MARCO: variants seen among roughly 807,000 people sequenced by gnomAD.
MARCO encodes the protein macrophage receptor MARCO.
Under a neutral mutation model 70.0 loss-of-function variants are expected in MARCO, and 72 were observed. The observed-to-expected ratio is 1.03, with a 90% CI of 0.85 to 1.25. MARCO has a LOEUF of 1.25. Among genes scored for constraint, MARCO ranks in the 50% most tolerant of loss-of-function variants. The pLI, the probability that MARCO is intolerant of heterozygous loss-of-function variation, is 0.00. For missense variants in MARCO, 696 were observed against 659.3 expected (o/e 1.06, Z -0.61); for synonymous variants, 273 against 243.1 (o/e 1.12, Z -1.14).
At chr2:118,979,422 A>G (rs1379159466) in intron 8 of MARCO, among the ~76,000 whole-genome samples, 1 of 152,164 alleles carries the variant, frequency 6.6e-6, no homozygotes, top group Non-Finnish European at 1.5e-5. Flanking sequence ...GATGAGGGAT[A>G]CTGGCACCAG....
chr2:118,957,279 C>T (rs753034567), intron 1 of MARCO, among the ~76,000 whole-genome samples: 5 of 151,766 alleles, frequency 3.3e-5, no homozygotes, highest in African/African-American at 4.8e-5. Flanking sequence ...ACCAAATAAC[C>T]TCACTAAGAA....
intron 10 of MARCO, 29 bp from the exon 11 acceptor site, chr2:118,982,127 C>G (rs1437667370): frequency 6.4e-7 from 1 of 1,551,292 alleles, no homozygotes; most frequent in African/African-American, 1.4e-5. Flanking sequence ...CCAACCACCA[C>G]AGCCTGGCAG....
intron 1 of MARCO, among the ~76,000 whole-genome samples, chr2:118,944,180 G>T (rs1189825027): frequency 6.6e-6 from 1 of 151,896 alleles, no homozygotes; most frequent in Non-Finnish European, 1.5e-5. Context: ...TTGAGCCCAG[G>T]AATTTGAGAC....
intron 10 of MARCO, among the ~76,000 whole-genome samples, chr2:118,981,910 A>T (rs2104596929): frequency 6.6e-6 from 1 of 152,256 alleles, no homozygotes; most frequent in East Asian, 1.9e-4. Context: ...TCACACCCAG[A>T]GCTCCTAGTA....
At chr2:118,981,303 G>C in intron 8 of MARCO, 106 bp from the exon 9 acceptor site, 1 of 737,316 alleles carries the variant, frequency 1.4e-6, no homozygotes, top group Non-Finnish European at 2.3e-6. Flanking sequence ...AGGAGCTCAA[G>C]GAGTTTAGGG....
At position 118,994,522 on chromosome 2, in the gene MARCO, C is replaced by G; in HGVS notation, c.*2C>G. 1 of 1,577,492 alleles carries G rather than the reference C, an allele frequency of 6.3e-7. No individual in the cohort carries two copies. Among genetic ancestry groups the G allele is most frequent in the Non-Finnish European group, 8.6e-7 (1 of 1,161,998 alleles). On this transcript the variant is annotated 3_prime_UTR_variant, in exon 17 of 17. Coordinates refer to ENST00000327097, the MANE Select transcript of MARCO (RefSeq NM_006770.4). ...GCAGGCGTGGAGTGCAGCGTCTGAC[C>G]CGGAAACCCTTTCACTTCTCTGCTC...
chr2:118,956,186 AG>A (rs1463063686), intron 1 of MARCO, among the ~76,000 whole-genome samples: 1 of 152,226 alleles, frequency 6.6e-6, no homozygotes, highest in Non-Finnish European at 1.5e-5. Flanking sequence ...TCCACTTAAA[AG>A]ATACAGAACT....
chr2:118,961,779 A>G (rs1039981981), intron 1 of MARCO, among the ~76,000 whole-genome samples: 2 of 152,170 alleles, frequency 1.3e-5, no homozygotes, highest in Admixed American at 6.5e-5. Flanking sequence ...CAATTTCCTC[A>G]TGAAATCTTT....
chr2:118,965,520 T>C (rs1260543670), intron 1 of MARCO, among the ~76,000 whole-genome samples: 2 of 152,194 alleles, frequency 1.3e-5, no homozygotes, highest in Non-Finnish European at 2.9e-5. Flanking sequence ...TGTGGAATAG[T>C]TTTAACATCT....
intron 12 of MARCO, among the ~76,000 whole-genome samples, chr2:118,989,452 C>T (rs1423451623): frequency 1.3e-5 from 2 of 152,208 alleles, no homozygotes; most frequent in Non-Finnish European, 2.9e-5. Flanking sequence ...AGCTCCCAGC[C>T]CCTTAGCTCT....
At chr2:118,976,757 G>T (rs895211218) in intron 6 of MARCO, among the ~76,000 whole-genome samples, 1 of 152,152 alleles carries the variant, frequency 6.6e-6, no homozygotes, top group African/African-American at 2.4e-5. Context: ...TCAGCCTGGG[G>T]AGTGACAGAG....
rs1680509721 is a variant in MARCO at position 118,986,687 on chromosome 2, AAG to A, written c.1064-3900_1064-3899del. Among the ~76,000 whole-genome samples, 21 of 72,696 alleles carry A rather than the reference AAG, an allele frequency of 2.9e-4. 2 individuals carry two copies. The highest frequency in any genetic ancestry group is 9.0e-4 in the African/African-American group (17 of 18,800). The allele number at this position is 72,696 out of a possible 152,430, so 47.7% of individuals were successfully genotyped here. ...AAGGAAGGAAGGAAAGAAAGAAAGA[AAG>A]AAAGAAAGAAAGAAAGAAAGAAAGA... On this transcript the variant is annotated intron_variant, in intron 12 of 16. Coordinates refer to ENST00000327097, the MANE Select transcript of MARCO (RefSeq NM_006770.4).
intron 8 of MARCO, among the ~76,000 whole-genome samples, chr2:118,978,404 G>C (rs73948249): frequency 0.053 from 8,022 of 152,242 alleles, 696 homozygotes; most frequent in African/African-American, 0.18. Context: ...TGCAGGGAGG[G>C]CTCGAGGGTC....
rs780012477 is a variant in MARCO at position 118,982,252 on chromosome 2, C to T, written c.998C>T (p.Ala333Val). 4 of 1,612,292 alleles carry T rather than the reference C, an allele frequency of 2.5e-6. No homozygotes were observed. Among genetic ancestry groups the T allele is most frequent in the African/African-American group, 1.3e-5 (1 of 74,822 alleles). Residue 333 changes from alanine (A) to valine (V), a missense_variant and splice_region_variant, in exon 11 of 17, where the codon GCA becomes GTA. Physicochemically the swap from Ala to Val is moderately conservative, Grantham distance 64 (BLOSUM62 0). Transcript: ENST00000327097. ...GGCAGTGCTGGCTCCCCTGGGCGAGCAGGTGAGGTCCTGGGTCCTATGGTG... is the reference window on the plus strand; with the variant it reads ...GGCAGTGCTGGCTCCCCTGGGCGAGTAGGTGAGGTCCTGGGTCCTATGGTG... ...EPGSAGSPGR[A>V]GLPGSPGSPG...
At chr2:118,943,199 T>C (rs1679536827) in intron 1 of MARCO, among the ~76,000 whole-genome samples, 1 of 152,166 alleles carries the variant, frequency 6.6e-6, no homozygotes, top group Non-Finnish European at 1.5e-5. Flanking sequence ...GTCCTTCTCA[T>C]CCCACACCTG....
chr2:118,994,609 C>A lies in MARCO; in HGVS notation c.*89C>A. 1 of 1,334,968 alleles carries A rather than the reference C, an allele frequency of 7.5e-7. No individual in the cohort carries two copies. Among genetic ancestry groups the A allele is most frequent in the African/African-American group, 1.5e-5 (1 of 68,254 alleles). 82.7% of individuals were successfully genotyped at this position (1,334,968 alleles called of 1,614,324 possible). ...GGATCTCTGAGGAGTTCCCTGGGGA[C>A]AACTGAGCAGCCTCTGGAGAGGGGC... On this transcript the variant is annotated 3_prime_UTR_variant, in exon 17 of 17. Coordinates refer to ENST00000327097, the MANE Select transcript of MARCO (RefSeq NM_006770.4).
intron 1 of MARCO, among the ~76,000 whole-genome samples, chr2:118,951,436 G>T (rs115269789): frequency 0.011 from 1,689 of 152,320 alleles, 23 homozygotes; most frequent in African/African-American, 0.037. Context: ...GGGTTTTGTT[G>T]TTTGTTTGTT....
intron 1 of MARCO, among the ~76,000 whole-genome samples, chr2:118,961,856 T>A (rs529846687): frequency 6.6e-6 from 1 of 152,294 alleles, no homozygotes; most frequent in African/African-American, 2.4e-5. Flanking sequence ...TTTTGGGTTT[T>A]ACATTTAAGT....
intron 1 of MARCO, among the ~76,000 whole-genome samples, chr2:118,954,288 C>T (rs1191360822): frequency 1.3e-5 from 2 of 152,154 alleles, no homozygotes; most frequent in East Asian, 3.9e-4. Context: ...AGGCCTGTGA[C>T]TGCCAGCTTT....
Sources: allele counts gnomAD v4.1 joint callset (sites outside exome capture counted in the v4.1 genomes callset), GRCh38; gene constraint gnomAD v4.1.1; transcripts MANE v1.5; gene names NCBI Gene and HGNC (gene_info 2026-07-23, HGNC 2026-07-21).